NPFFR1: variants seen among roughly 807,000 people sequenced by gnomAD.
NPFFR1 encodes G-protein coupled receptor 147.
NPFFR1 carries 17 observed loss-of-function variants against 12.7 expected under a neutral mutation model. That is an observed-to-expected ratio of 1.34 (90% CI 0.92 to 2.01). The LOEUF (loss-of-function observed/expected upper bound fraction) is 2.01, where lower values mean the gene tolerates loss of function less well. Among genes scored for constraint, NPFFR1 ranks in the 30% most tolerant of loss-of-function variants. NPFFR1 has a pLI of 0.00. For synonymous variants in NPFFR1, 296 were observed against 264.5 expected, an observed-to-expected ratio of 1.12 and a Z score of -1.16; for missense variants, 604 against 606.5, an observed-to-expected ratio of 1.00 and a Z score of 0.04.
At chr10:70,267,655 G>A (rs939929343) in intron 1 of NPFFR1, among the ~76,000 whole-genome samples, 1 of 152,204 alleles carries the variant, frequency 6.6e-6, no homozygotes, top group Non-Finnish European at 1.5e-5. Context: ...ATTAGTTGGG[G>A]TGACTCATGA....
At position 70,254,756 on chromosome 10, in the gene NPFFR1, G is replaced by A. The variant is rs1840543618; in HGVS notation, c.*201C>T. 2.0e-6 allele frequency: 1 copy of A among 509,782 alleles called. No individual in the cohort carries two copies. The highest frequency in any genetic ancestry group is 3.1e-6 in the Non-Finnish European group (1 of 320,802). The allele number at this position is 509,782 out of a possible 1,614,324, so 31.6% of individuals were successfully genotyped here. ...CAAGCCCACCACACAGGGCAAGTTG[G>A]TTCCTTCCCGTCCCCCGCATTTGCC... On this transcript the variant is annotated 3_prime_UTR_variant, in exon 4 of 4. Transcript: ENST00000277942.
At chr10:70,263,568 C>G (rs557080675) in intron 2 of NPFFR1, among the ~76,000 whole-genome samples, 1 of 152,112 alleles carries the variant, frequency 6.6e-6, no homozygotes, top group Middle Eastern at 3.2e-3. Context: ...CCACCGCGCC[C>G]GGCCATTCAC....
intron 2 of NPFFR1, among the ~76,000 whole-genome samples, chr10:70,261,057 G>C (rs925554329): frequency 6.6e-6 from 1 of 152,072 alleles, no homozygotes; most frequent in Non-Finnish European, 1.5e-5. Flanking sequence ...GCAGCCCTCT[G>C]TATGTACATG....
chr10:70,261,500 A>G (rs1422801636), intron 2 of NPFFR1, among the ~76,000 whole-genome samples: 8 of 152,128 alleles, frequency 5.3e-5, no homozygotes, highest in Non-Finnish European at 1.0e-4. Flanking sequence ...ATATAAATGG[A>G]CCCATGCAGT....
In NPFFR1 at chr10:70,270,413, T is replaced by TG. The variant is rs755070292; in HGVS notation, c.8-4023dup. 1.2e-3 allele frequency among the ~76,000 whole-genome samples: 177 copies of TG among 152,282 alleles called. 1 individual carries two copies. Among genetic ancestry groups the TG allele is most frequent in the Middle Eastern group, 3.4e-3 (1 of 294 alleles). ...TTAGCTCTGAATCATCTCCCATGAC[T>TG]GGGGGGATCTGTGGGTATGGATGGG... On this transcript the variant is annotated intron_variant, in intron 1 of 3. Coordinates refer to ENST00000277942, the MANE Select transcript of NPFFR1 (RefSeq NM_022146.5).
chr10:70,276,075 C>T lies in NPFFR1; in HGVS notation c.7+7595G>A, dbSNP rs567359679. On this transcript the variant is annotated intron_variant, in intron 1 of 3. Coordinates refer to ENST00000277942, the MANE Select transcript of NPFFR1 (RefSeq NM_022146.5). ...GGTATCATCAGGTCACATATAAAGA[C>T]CTCTAGGGTCCATTAGCAGCAATTA... is the stretch of plus-strand genomic sequence containing the variant. Among the ~76,000 whole-genome samples, 7 of 152,254 alleles carry T rather than the reference C, an allele frequency of 4.6e-5. No individual in the cohort carries two copies. In the South Asian group the frequency reaches 1.5e-3, roughly 32 times the overall value.
chr10:70,255,009 T>G lies in NPFFR1; in HGVS notation c.1241A>C (p.Glu414Ala). ...GGGCAGGTGGGAGCAGCCAGGCCCT[T>G]CCCTGGGCAAGCCGTGGTGAGCCAC... Reference protein sequence around the residue: ...GRVAHHGLPREGPGCSHLPLT... With the variant: ...GRVAHHGLPRAGPGCSHLPLT... Residue 414 changes from glutamate to alanine, a missense_variant, in exon 4 of 4, where the codon GAA (glutamate) becomes GCA (alanine). Coordinates refer to ENST00000277942, the MANE Select transcript of NPFFR1 (RefSeq NM_022146.5). This position sits in a 1 kb window ranked among gnomAD's most constrained non-coding sequence, Gnocchi z 4.2. 6.9e-7 allele frequency: 1 copy of G among 1,446,072 alleles called. No homozygotes were observed. Among genetic ancestry groups the G allele is most frequent in the South Asian group, 1.5e-5 (1 of 67,218 alleles). The allele number at this position is 1,446,072 out of a possible 1,614,324, so 89.6% of individuals were successfully genotyped here.
chr10:70,251,675 A>T lies in NPFFR1; in HGVS notation c.*3282T>A, dbSNP rs1372274254. ...CCGAACTTGCCGCTTATGAAAGGGC[A>T]GTCACCTTAGGAAACCCAGCCAACC... is the stretch of plus-strand genomic sequence containing the variant. On this transcript the variant is annotated 3_prime_UTR_variant, in exon 4 of 4. Transcript: ENST00000277942. 1 of 152,300 alleles carries T rather than the reference A, an allele frequency of 6.6e-6. No individual in the cohort carries two copies. The highest frequency in any genetic ancestry group is 2.4e-5 in the African/African-American group (1 of 41,480). The allele number at this position is 152,300 out of a possible 1,614,324, so 9.4% of individuals were successfully genotyped here. A position where few individuals can be genotyped will look rare whatever the true frequency, so the allele number is the denominator to read the frequency against.
At chr10:70,275,393 G>A (rs1840793820) in intron 1 of NPFFR1, among the ~76,000 whole-genome samples, 1 of 152,180 alleles carries the variant, frequency 6.6e-6, no homozygotes, top group African/African-American at 2.4e-5. Context: ...ATGTGGAAGA[G>A]GCTTAAGGTG....
At chr10:70,256,087 T>C (rs1233050123) in intron 3 of NPFFR1, among the ~76,000 whole-genome samples, 28 of 151,532 alleles carry the variant, frequency 1.8e-4, no homozygotes, top group South Asian at 6.3e-4. Context: ...TTTTTTTTTT[T>C]TCCTGAGACA....
intron 1 of NPFFR1, among the ~76,000 whole-genome samples, chr10:70,273,249 A>G (rs1488659620): frequency 6.6e-6 from 1 of 152,112 alleles, no homozygotes; most frequent in African/African-American, 2.4e-5. Context: ...GTATTTTTCA[A>G]AAAACTCCCC....
At chr10:70,275,445 T>G (rs1010647026) in intron 1 of NPFFR1, among the ~76,000 whole-genome samples, 1 of 152,286 alleles carries the variant, frequency 6.6e-6, no homozygotes, top group East Asian at 1.9e-4. Flanking sequence ...GATTTCCCTC[T>G]CTCTTTCTCT....
intron 1 of NPFFR1, among the ~76,000 whole-genome samples, chr10:70,271,812 G>A (rs1005934802): frequency 6.6e-6 from 1 of 151,994 alleles, no homozygotes; most frequent in Non-Finnish European, 1.5e-5. Context: ...ACTGAAAGAA[G>A]TGCGAATGAG....
chr10:70,279,431 G>A (rs1182937836), intron 1 of NPFFR1, among the ~76,000 whole-genome samples: 1 of 152,058 alleles, frequency 6.6e-6, no homozygotes, highest in Non-Finnish European at 1.5e-5. Context: ...AGAGGCGTGA[G>A]CCACTGCACC....
At chr10:70,256,863 A>C (rs981279258) in intron 3 of NPFFR1, among the ~76,000 whole-genome samples, 8 of 152,212 alleles carry the variant, frequency 5.3e-5, no homozygotes, top group African/African-American at 1.7e-4. Flanking sequence ...CTCCTGAAGC[A>C]TTTCAACAAC....
intron 1 of NPFFR1, among the ~76,000 whole-genome samples, chr10:70,268,755 C>T (rs1840721761): frequency 6.6e-6 from 1 of 152,146 alleles, no homozygotes; most frequent in Non-Finnish European, 1.5e-5. Context: ...AAGTCCGAGA[C>T]TCTGGAATTT....
At position 70,269,409 on chromosome 10, in the gene NPFFR1, G is replaced by A. The variant is rs549301043; in HGVS notation, c.8-3018C>T. ...TAAGCTCAAGCAATCCTCCTGTCTT[G>A]GCCTCCCAAAGTGCTGAGATTACAG... is the stretch of plus-strand genomic sequence containing the variant. On this transcript the variant is annotated intron_variant, in intron 1 of 3. Transcript: ENST00000277942. 2.6e-5 allele frequency among the ~76,000 whole-genome samples: 4 copies of A among 152,146 alleles called. No homozygotes were observed. In the South Asian group the frequency reaches 8.3e-4, roughly 32 times the overall value.
In NPFFR1 at chr10:70,270,243, T is replaced by C. The variant is rs554871911; in HGVS notation, c.8-3852A>G. On this transcript the variant is annotated intron_variant, in intron 1 of 3. Transcript: ENST00000277942. ...AAAAAGAAAGGAAGGTGGATCCTTA[T>C]ATCAGGTGAGAGGGTCCTGCTGCAG... Among the ~76,000 whole-genome samples the C allele has an allele frequency of 4.6e-5, 7 of 152,354 alleles. No homozygotes were observed. In the East Asian group the frequency reaches 1.2e-3, roughly 25 times the overall value.
At chr10:70,279,719 C>T (rs1840840067) in intron 1 of NPFFR1, among the ~76,000 whole-genome samples, 1 of 152,214 alleles carries the variant, frequency 6.6e-6, no homozygotes, top group Non-Finnish European at 1.5e-5. Flanking sequence ...CTTTGGCCTC[C>T]CAAAGTGCTC....
Sources: allele counts gnomAD v4.1 joint callset (sites outside exome capture counted in the v4.1 genomes callset), GRCh38; gene constraint gnomAD v4.1.1; non-coding constraint Gnocchi (gnomAD v3.1); transcripts MANE v1.5; gene names NCBI Gene and HGNC (gene_info 2026-07-23, HGNC 2026-07-21).